The following CYP39A1 variants were observed in gnomAD, a reference collection of about 807,000 sequenced individuals.
CYP39A1 encodes the protein 24-hydroxycholesterol 7-alpha-hydroxylase.
In CYP39A1, 49 loss-of-function variants were observed where a neutral mutation model predicts 58.1. The observed-to-expected ratio is 0.84, with a 90% CI of 0.67 to 1.07. The LOEUF (loss-of-function observed/expected upper bound fraction) is 1.07. Among genes scored for constraint, CYP39A1 ranks in the 50% least tolerant of loss-of-function variants. The pLI is 0.00. For missense variants in CYP39A1, 531 were observed against 539.4 expected (o/e 0.98, Z 0.16); for synonymous variants, 209 against 187.6 (o/e 1.11, Z -0.93).
At chr6:46,588,359 T>G (rs1262305403) in intron 8 of CYP39A1, among the ~76,000 whole-genome samples, 5 of 151,286 alleles carry the variant, frequency 3.3e-5, no homozygotes, top group Non-Finnish European at 7.4e-5. Context: ...TATACATATA[T>G]TTGGTTACAT....
At chr6:46,617,808 C>A (rs1423090465) in intron 7 of CYP39A1, among the ~76,000 whole-genome samples, 3 of 152,076 alleles carry the variant, frequency 2.0e-5, no homozygotes, top group Non-Finnish European at 4.4e-5. Flanking sequence ...ACAAGGAAAG[C>A]ACTTAAAATA....
intron 7 of CYP39A1, among the ~76,000 whole-genome samples, chr6:46,606,498 A>C (rs1057097878): frequency 6.6e-6 from 1 of 152,146 alleles, no homozygotes; most frequent in Admixed American, 6.5e-5. Flanking sequence ...GTGACTCTAA[A>C]ATTAGAAGGC....
At chr6:46,600,550 G>T (rs1480975527) in intron 7 of CYP39A1, among the ~76,000 whole-genome samples, 1 of 152,096 alleles carries the variant, frequency 6.6e-6, no homozygotes, top group African/African-American at 2.4e-5. Context: ...CAGCCTCTGG[G>T]GAAGGGAGGT....
Position 46,652,747 on chromosome 6 carries a change from A to G in CYP39A1, c.-165T>C. 1 of 605,246 alleles carries G rather than the reference A, an allele frequency of 1.7e-6. No homozygotes were observed. The highest frequency in any genetic ancestry group is 2.7e-6 in the Non-Finnish European group (1 of 367,010). 37.5% of individuals were successfully genotyped at this position (605,246 alleles called of 1,614,324 possible). On this transcript the variant is annotated 5_prime_UTR_variant, in exon 1 of 12. Coordinates refer to ENST00000275016, the MANE Select transcript of CYP39A1 (RefSeq NM_016593.5). Reference sequence around the variant, plus strand: ...GCTTCCTTCCTCTGTCCCAGTTTTCAGGTGATTTTTCCATTGTCGCTCCCT... The same window carrying G: ...GCTTCCTTCCTCTGTCCCAGTTTTCGGGTGATTTTTCCATTGTCGCTCCCT...
intron 7 of CYP39A1, among the ~76,000 whole-genome samples, chr6:46,609,620 G>T (rs1269602221): frequency 2.6e-5 from 4 of 151,954 alleles, no homozygotes; most frequent in Non-Finnish European, 5.9e-5. Flanking sequence ...ACAGAAGGAG[G>T]TCCACACAGG....
At chr6:46,612,427 G>A (rs1193255787) in intron 7 of CYP39A1, among the ~76,000 whole-genome samples, 1 of 152,202 alleles carries the variant, frequency 6.6e-6, no homozygotes, top group East Asian at 1.9e-4. Flanking sequence ...TATATTTGGG[G>A]TAGAAAGAAT....
chr6:46,598,277 A>G (rs192382229), intron 7 of CYP39A1, among the ~76,000 whole-genome samples: 10 of 152,314 alleles, frequency 6.6e-5, no homozygotes, highest in Admixed American at 2.0e-4. Context: ...CAATATCCAT[A>G]CAAGCAAATC....
chr6:46,567,927 G>A (rs1000168292), intron 10 of CYP39A1, among the ~76,000 whole-genome samples: 1 of 151,976 alleles, frequency 6.6e-6, no homozygotes, highest in Non-Finnish European at 1.5e-5. Flanking sequence ...TTGCCAGGTG[G>A]GACTTGCAGT....
chr6:46,611,895 G>T (rs1774238230), intron 7 of CYP39A1, among the ~76,000 whole-genome samples: 1 of 151,974 alleles, frequency 6.6e-6, no homozygotes, highest in Admixed American at 6.6e-5. Flanking sequence ...TTTTACCTTA[G>T]TATTTCCTAA....
intron 2 of CYP39A1, among the ~76,000 whole-genome samples, chr6:46,641,891 T>A (rs1776357674): frequency 6.6e-6 from 1 of 152,210 alleles, no homozygotes; most frequent in Non-Finnish European, 1.5e-5. Context: ...ATGATACAGA[T>A]TCCAAATATT....
intron 1 of CYP39A1, among the ~76,000 whole-genome samples, chr6:46,649,750 A>C (rs1762550322): frequency 1.3e-5 from 2 of 152,220 alleles, no homozygotes; most frequent in African/African-American, 4.8e-5. Flanking sequence ...ACTGGGTGGA[A>C]GGGAAAAAGA....
chr6:46,625,399 A>C lies in CYP39A1; in HGVS notation c.931+19T>G. ...CATGCATTATTAGCTGTGTCTTCCT[A>C]TATAATAAGGTTTAGTACCTGCTTT... is the stretch of plus-strand genomic sequence containing the variant. On this transcript the variant is annotated intron_variant, in intron 7 of 11. Transcript: ENST00000275016. 6.4e-7 allele frequency: 1 copy of C among 1,550,978 alleles called. No individual in the cohort carries two copies. Among genetic ancestry groups the C allele is most frequent in the Non-Finnish European group, 8.8e-7 (1 of 1,134,636 alleles).
chr6:46,603,587 G>A (rs1254316220), intron 7 of CYP39A1, among the ~76,000 whole-genome samples: 2 of 152,092 alleles, frequency 1.3e-5, no homozygotes, highest in African/African-American at 4.8e-5. Flanking sequence ...GAAAAAGCAG[G>A]ACTCACAAAT....
chr6:46,616,825 T>G (rs1380065340), intron 7 of CYP39A1, among the ~76,000 whole-genome samples: 1 of 152,142 alleles, frequency 6.6e-6, no homozygotes, highest in Non-Finnish European at 1.5e-5. Flanking sequence ...TGAGGCCATT[T>G]GAAGGCTTTA....
At chr6:46,616,873 G>A (rs930490950) in intron 7 of CYP39A1, among the ~76,000 whole-genome samples, 7 of 152,098 alleles carry the variant, frequency 4.6e-5, no homozygotes, top group Admixed American at 2.6e-4. Context: ...CACTGGATGT[G>A]TGCACTGAAT....
At chr6:46,623,606 T>C (rs1184507780) in intron 7 of CYP39A1, among the ~76,000 whole-genome samples, 1 of 152,194 alleles carries the variant, frequency 6.6e-6, no homozygotes, top group East Asian at 1.9e-4. Flanking sequence ...CAATTTTTTA[T>C]AATAAATGTC....
chr6:46,651,083 T>A (rs1417030700), intron 1 of CYP39A1, among the ~76,000 whole-genome samples: 1 of 152,234 alleles, frequency 6.6e-6, no homozygotes, highest in Non-Finnish European at 1.5e-5. Flanking sequence ...AAAAATTGCA[T>A]ATTCATACTT....
chr6:46,617,466 C>T (rs1219378896), intron 7 of CYP39A1, among the ~76,000 whole-genome samples: 1 of 152,010 alleles, frequency 6.6e-6, no homozygotes, highest in Non-Finnish European at 1.5e-5. Flanking sequence ...ATGAATGTTA[C>T]TCCAGGAACA....
chr6:46,643,618 A>G (rs946228060), intron 1 of CYP39A1, among the ~76,000 whole-genome samples: 1 of 152,236 alleles, frequency 6.6e-6, no homozygotes, highest in Non-Finnish European at 1.5e-5. Context: ...TTTTTGTAAC[A>G]TCTATAAGCA....
Sources: allele counts gnomAD v4.1 joint callset (sites outside exome capture counted in the v4.1 genomes callset), GRCh38; gene constraint gnomAD v4.1.1; transcripts MANE v1.5; gene names NCBI Gene and HGNC (gene_info 2026-07-23, HGNC 2026-07-21).